The following PRCP variants were observed in gnomAD, a reference collection of about 807,000 sequenced individuals.
PRCP encodes the protein lysosomal Pro-X carboxypeptidase.
A neutral mutation model predicts 54.2 loss-of-function variants in PRCP; 46 were observed. That is an observed-to-expected ratio of 0.85 (90% CI 0.67 to 1.09). The LOEUF is 1.09. PRCP is among the 50% of genes least tolerant of loss of function. The pLI is 0.00. For missense variants in PRCP, 613 were observed against 596.8 expected (o/e 1.03, Z -0.28); for synonymous variants, 240 against 212.2 (o/e 1.13, Z -1.14).
intron 6 of PRCP, chr11:82,845,513 T>C (rs1858787225): frequency 6.6e-6 from 1 of 152,218 alleles, no homozygotes; most frequent in Non-Finnish European, 1.5e-5. Flanking sequence ...AATACCCCTC[T>C]CACACTCACT....
chr11:82,837,865 A>C lies in PRCP; in HGVS notation c.1274+522T>G, dbSNP rs141876749. On this transcript the variant is annotated intron_variant, in intron 8 of 8. Coordinates refer to ENST00000313010, the MANE Select transcript of PRCP (RefSeq NM_005040.4). ...AAGCTGGCTTTATCACTTAGTAACT[A>C]AAACAAAGCTGGATGAGCTTTGGCA... Among the ~76,000 whole-genome samples the C allele has an allele frequency of 3.4e-3, 524 of 152,332 alleles. 1 individual carries two copies. The highest frequency in any genetic ancestry group is 0.012 in the African/African-American group (506 of 41,574).
chr11:82,846,920 G>A (rs2121129826), intron 6 of PRCP, among the ~76,000 whole-genome samples: 1 of 152,264 alleles, frequency 6.6e-6, no homozygotes, highest in East Asian at 1.9e-4. Context: ...CTAGATAAGT[G>A]GTTAGCAAAG....
chr11:82,861,226 G>A (rs1333418190), intron 1 of PRCP, among the ~76,000 whole-genome samples: 1 of 152,118 alleles, frequency 6.6e-6, no homozygotes, highest in African/African-American at 2.4e-5. Flanking sequence ...TGTGTTTGAT[G>A]GCTACGAATA....
chr11:82,848,908 G>A, intron 6 of PRCP, 141 bp downstream of exon 6: 2 of 798,672 alleles, frequency 2.5e-6, no homozygotes, highest in Non-Finnish European at 3.8e-6. Context: ...GAAAGTAGCA[G>A]AACCCAGGAT....
chr11:82,860,739 A>G (rs552421190), intron 1 of PRCP, among the ~76,000 whole-genome samples: 1 of 152,262 alleles, frequency 6.6e-6, no homozygotes, highest in African/African-American at 2.4e-5. Context: ...GAAAAGGTCC[A>G]TAAACCTTGT....
Position 82,895,502 on chromosome 11 carries a change from C to G in PRCP, c.168+4733G>C, listed in dbSNP as rs1451287175. Among the ~76,000 whole-genome samples, 3 of 152,144 alleles carry G rather than the reference C, an allele frequency of 2.0e-5. No individual in the cohort carries two copies. In the East Asian group the frequency reaches 5.8e-4, roughly 29 times the overall value. ...TTTTAACCACCCTCCTGTTCAAGCTCTATCAAGTTTCTGACCCTCTATAAT... is the reference window on the plus strand; with the variant it reads ...TTTTAACCACCCTCCTGTTCAAGCTGTATCAAGTTTCTGACCCTCTATAAT... On this transcript the variant is annotated intron_variant, in intron 1 of 8. Coordinates refer to ENST00000313010, the MANE Select transcript of PRCP (RefSeq NM_005040.4).
intron 6 of PRCP, among the ~76,000 whole-genome samples, chr11:82,845,387 T>C (rs940374184): frequency 4.6e-5 from 7 of 151,740 alleles, no homozygotes; most frequent in African/African-American, 1.5e-4. Context: ...AAAGAAGATA[T>C]GTTGGGGGAA....
chr11:82,849,956 T>C lies in PRCP; in HGVS notation c.709A>G (p.Ile237Val). ...TTAATGGCATCCCAGGACCTGTGGA[T>C]GCTCTCTGAACAATGTGGACCGCTT... Reference protein sequence around the residue: ...RKSGPHCSESIHRSWDAINRL... With the variant: ...RKSGPHCSESVHRSWDAINRL... The change falls in exon 5 of 9, where the codon ATC (isoleucine) becomes GTC (valine). Residue 237 changes from isoleucine to valine, a missense_variant. By Grantham distance (29) the Ile-to-Val change is conservative. Transcript: ENST00000313010. The C allele has an allele frequency of 1.3e-6, 2 of 1,533,160 alleles. No individual in the cohort carries two copies. Among genetic ancestry groups the C allele is most frequent in the Non-Finnish European group, 1.8e-6 (2 of 1,137,942 alleles). 95.0% of individuals were successfully genotyped at this position (1,533,160 alleles called of 1,614,324 possible). A position where few individuals can be genotyped will look rare whatever the true frequency, so the allele number is the denominator to read the frequency against.
At chr11:82,873,649 A>G (rs186497271) in intron 1 of PRCP, among the ~76,000 whole-genome samples, 1 of 152,376 alleles carries the variant, frequency 6.6e-6, no homozygotes, top group Admixed American at 6.5e-5. Context: ...CATGTTTAAA[A>G]AAGAAAAAGT....
At chr11:82,841,616 G>A (rs994492263) in intron 6 of PRCP, among the ~76,000 whole-genome samples, 29 of 152,132 alleles carry the variant, frequency 1.9e-4, no homozygotes, top group Admixed American at 1.4e-3. Context: ...CAAATAATTG[G>A]ATATATCTTT....
intron 6 of PRCP, among the ~76,000 whole-genome samples, chr11:82,845,192 A>G (rs940995150): frequency 6.6e-6 from 1 of 152,202 alleles, no homozygotes; most frequent in Non-Finnish European, 1.5e-5. Flanking sequence ...CATTCATGCA[A>G]CCTTACTACC....
chr11:82,891,754 G>T (rs1860013397), intron 1 of PRCP, among the ~76,000 whole-genome samples: 1 of 152,156 alleles, frequency 6.6e-6, no homozygotes, highest in Non-Finnish European at 1.5e-5. Flanking sequence ...TTTCCCCAGT[G>T]CCTCGAATAT....
chr11:82,830,781 C>A (rs1293090968), intron 8 of PRCP: 1 of 151,706 alleles, frequency 6.6e-6, no homozygotes, highest in Middle Eastern at 3.2e-3. Flanking sequence ...GAGTTGGATT[C>A]TCTTAAATTA....
chr11:82,856,050 A>G (rs1247444688), intron 2 of PRCP, among the ~76,000 whole-genome samples: 1 of 152,218 alleles, frequency 6.6e-6, no homozygotes. Context: ...TCATGCCTGT[A>G]ATCCCAGCAC....
intron 8 of PRCP, chr11:82,831,520 G>A (rs1591034975): frequency 6.6e-6 from 1 of 152,076 alleles, no homozygotes; most frequent in African/African-American, 2.4e-5. Flanking sequence ...CCAAGGCCAC[G>A]CAGCTAATTC....
chr11:82,827,509 G>A (rs1169994636), intron 8 of PRCP: 1 of 151,978 alleles, frequency 6.6e-6, no homozygotes, highest in Admixed American at 6.6e-5. Flanking sequence ...ATCATTTGTT[G>A]AAAAAACTAT....
intron 8 of PRCP, among the ~76,000 whole-genome samples, chr11:82,833,408 A>C (rs1291835387): frequency 6.6e-6 from 1 of 152,266 alleles, no homozygotes; most frequent in African/African-American, 2.4e-5. Flanking sequence ...ATTTCATGCC[A>C]GTTAGAATGG....
At chr11:82,891,545 C>T (rs909098247) in intron 1 of PRCP, among the ~76,000 whole-genome samples, 2 of 152,162 alleles carry the variant, frequency 1.3e-5, no homozygotes, top group East Asian at 3.8e-4. Flanking sequence ...GCCCAGATGT[C>T]CCCGCATTAT....
Position 82,824,671 on chromosome 11 carries a change from T to C in PRCP, c.*235A>G. 2 of 500,384 alleles carry C rather than the reference T, an allele frequency of 4.0e-6. No homozygotes were observed. The highest frequency in any genetic ancestry group is 6.6e-5 in the Admixed American group (2 of 30,210). The allele number at this position is 500,384 out of a possible 1,614,324, so 31.0% of individuals were successfully genotyped here. On this transcript the variant is annotated 3_prime_UTR_variant, in exon 9 of 9. Coordinates refer to ENST00000313010, the MANE Select transcript of PRCP (RefSeq NM_005040.4). ...CCAGTTATGAGGGCCACTGATGGTG[T>C]GGGAGAGCTATCAAGAAGATTCTTC...
Sources: gnomAD v4.1 joint callset for allele counts (sites outside exome capture counted in the v4.1 genomes callset) on GRCh38, gnomAD v4.1.1 for gene constraint, MANE v1.5 for transcripts, NCBI Gene and HGNC (gene_info 2026-07-23, HGNC 2026-07-21) for gene names.